INVS: variants seen among roughly 807,000 people sequenced by gnomAD.
INVS encodes the protein inversin, also known as inversion of embryo turning homolog.
In INVS, 86 loss-of-function variants were observed where a neutral mutation model predicts 108.8. The ratio of observed to expected loss-of-function variants is 0.79; its 90% confidence interval spans 0.66 to 0.95. The LOEUF (loss-of-function observed/expected upper bound fraction) is 0.95. Among genes scored for constraint, INVS ranks in the 40% least tolerant of loss-of-function variants. INVS has a pLI of 0.00. For synonymous variants in INVS, 455 were observed against 473.5 expected (o/e 0.96, Z 0.51); for missense variants, 1,169 against 1,297.4 (o/e 0.90, Z 1.52).
At chr9:100,209,673 G>C (rs1193027260) in intron 3 of INVS, among the ~76,000 whole-genome samples, 1 of 150,708 alleles carries the variant, frequency 6.6e-6, no homozygotes, top group Non-Finnish European at 1.5e-5. Context: ...AGGAGGCTGA[G>C]GCAGAAGAAT....
intron 2 of INVS, among the ~76,000 whole-genome samples, chr9:100,116,005 A>G (rs1233707521): frequency 2.6e-5 from 4 of 151,836 alleles, no homozygotes; most frequent in African/African-American, 9.7e-5. Context: ...GTGTGAGATG[A>G]TATCTCATTG....
chr9:100,185,851 C>T (rs189918974), intron 3 of INVS, among the ~76,000 whole-genome samples: 71 of 152,112 alleles, frequency 4.7e-4, no homozygotes, highest in African/African-American at 1.7e-3. Flanking sequence ...ATGGCCTCCT[C>T]CATCCAAGTT....
chr9:100,199,861 A>ATC (rs1830487554), intron 3 of INVS, among the ~76,000 whole-genome samples: 1 of 152,192 alleles, frequency 6.6e-6, no homozygotes, highest in Non-Finnish European at 1.5e-5. Context: ...TATTTTTACC[A>ATC]AATTTAAATC....
intron 3 of INVS, among the ~76,000 whole-genome samples, chr9:100,192,978 C>CTTTTTTTTTT: frequency 7.3e-6 from 1 of 136,974 alleles, no homozygotes; most frequent in Non-Finnish European, 1.6e-5. Context: ...ATACCAATGT[C>CTTTTTTTTTT]TTTTTTTTTT....
At chr9:100,196,014 ATCT>A (rs1327139811) in intron 3 of INVS, among the ~76,000 whole-genome samples, 11 of 152,128 alleles carry the variant, frequency 7.2e-5, no homozygotes, top group Non-Finnish European at 1.3e-4. Context: ...AAACTGTCTT[ATCT>A]TCTTCTATTA....
At position 100,252,233 on chromosome 9, in the gene INVS, G is replaced by A. The variant is rs779684451; in HGVS notation, c.1079-50G>A. 4 of 1,564,114 alleles carry A rather than the reference G, an allele frequency of 2.6e-6. No homozygotes were observed. In the South Asian group the frequency reaches 4.4e-5, roughly 17 times the overall value. On this transcript the variant is annotated intron_variant, in intron 8 of 16. Coordinates refer to ENST00000262457, the MANE Select transcript of INVS (RefSeq NM_014425.5). ...GGAAAAGACATATAATAATTTAAAA[G>A]GTGAAGTTGTTATTGACTAGTTCAT... is the stretch of plus-strand genomic sequence containing the variant.
At chr9:100,264,613 C>T (rs1269389516) in intron 10 of INVS, among the ~76,000 whole-genome samples, 3 of 117,466 alleles carry the variant, frequency 2.6e-5, no homozygotes, top group Non-Finnish European at 1.9e-5. Flanking sequence ...AGCGAAACTC[C>T]GTCTCAAAAA....
intron 3 of INVS, among the ~76,000 whole-genome samples, chr9:100,140,278 A>G (rs991214180): frequency 6.6e-6 from 1 of 152,132 alleles, no homozygotes; most frequent in African/African-American, 2.4e-5. Context: ...GTCTGAAAAG[A>G]GTCAGTGAAG....
intron 13 of INVS, among the ~76,000 whole-genome samples, chr9:100,289,171 T>TA (rs370968002): frequency 3.7e-4 from 56 of 152,248 alleles, no homozygotes; most frequent in African/African-American, 1.2e-3. Context: ...TCCTGAACTG[T>TA]ATCTACAGCT....
At chr9:100,204,567 C>T (rs1267974582) in intron 3 of INVS, among the ~76,000 whole-genome samples, 1 of 152,118 alleles carries the variant, frequency 6.6e-6, no homozygotes, top group Non-Finnish European at 1.5e-5. Flanking sequence ...GCTTTTTCTA[C>T]TCCCATGATT....
At chr9:100,291,419 ACTT>A (rs1043812166) in intron 13 of INVS, among the ~76,000 whole-genome samples, 1 of 151,938 alleles carries the variant, frequency 6.6e-6, no homozygotes, top group Admixed American at 6.6e-5. Flanking sequence ...CGTATTTTAA[ACTT>A]CTTTTGTGTG....
chr9:100,249,156 C>G (rs543187954), intron 8 of INVS, among the ~76,000 whole-genome samples: 1 of 152,050 alleles, frequency 6.6e-6, no homozygotes, highest in African/African-American at 2.4e-5. Context: ...AAACACCTAA[C>G]ATATAAAGCA....
intron 13 of INVS, among the ~76,000 whole-genome samples, chr9:100,288,347 G>T (rs1833508853): frequency 6.6e-6 from 1 of 152,036 alleles, no homozygotes; most frequent in Admixed American, 6.6e-5. Context: ...GCTTCTTTTT[G>T]ATTTGAACTA....
intron 2 of INVS, chr9:100,116,913 AGGTGGCCTTGGCGAAGTTGCCCAG>A (rs1188741211): frequency 7.5e-7 from 1 of 1,329,824 alleles, no homozygotes; most frequent in Non-Finnish European, 1.1e-6. Context: ...ATGGCATCAA[AGGTGGCCTTGGCGAAGTTGCCCAG>A]GGTGGCATTG....
rs1481868199 is a variant in INVS, at chr9:100,301,026, A to T, written c.*352A>T. The T allele has an allele frequency of 6.3e-6, 2 of 317,650 alleles. No individual in the cohort carries two copies. The highest frequency in any genetic ancestry group is 1.6e-4 in the East Asian group (2 of 12,758). 19.7% of individuals were successfully genotyped at this position (317,650 alleles called of 1,614,324 possible). On this transcript the variant is annotated 3_prime_UTR_variant, in exon 17 of 17. Coordinates refer to ENST00000262457, the MANE Select transcript of INVS (RefSeq NM_014425.5). ...CGGCTGCTGGGTTGGGATTTCTGCC[A>T]GCTAGCTGGTACTGGCTTCTTGTTT...
Position 100,260,993 on chromosome 9 carries a change from A to G in INVS, c.1465-3829A>G, listed in dbSNP as rs528193746. Among the ~76,000 whole-genome samples, 3 of 152,312 alleles carry G rather than the reference A, an allele frequency of 2.0e-5. No individual in the cohort carries two copies. The South Asian group carries it at 6.2e-4, about 32-fold the overall frequency. On this transcript the variant is annotated intron_variant, in intron 10 of 16. Coordinates refer to ENST00000262457, the MANE Select transcript of INVS (RefSeq NM_014425.5). ...ATACTGCCAAACTGATTTCTAAAAGATTCAGGTTAATCTTTACTTTCCCCA... is the reference window on the plus strand; with the variant it reads ...ATACTGCCAAACTGATTTCTAAAAGGTTCAGGTTAATCTTTACTTTCCCCA...
At chr9:100,293,554 T>C (rs543677754) in intron 14 of INVS, among the ~76,000 whole-genome samples, 2 of 152,322 alleles carry the variant, frequency 1.3e-5, no homozygotes, top group African/African-American at 4.8e-5. Context: ...TCCAAACACC[T>C]AAACCAGGGT....
rs1588012025 is a variant in INVS at position 100,117,464 on chromosome 9, T to A, written c.107-8919T>A. 2.0e-5 allele frequency: 16 copies of A among 783,796 alleles called. No homozygotes were observed. The East Asian group carries it at 3.9e-4, about 19-fold the overall frequency. The allele number at this position is 783,796 out of a possible 1,614,324, so 48.6% of individuals were successfully genotyped here. On this transcript the variant is annotated intron_variant, in intron 2 of 16. Transcript: ENST00000262457. The stretch of plus-strand genomic sequence containing the variant: ...CTTGGTGACGGGCATGCACTCCTTA[T>A]CCTCGGCCTTGCCTTCTCGAGCTCC...
At position 100,300,639 on chromosome 9, in the gene INVS, T is replaced by G. The variant is rs762061854; in HGVS notation, c.3163T>G (p.Ser1055Ala). The change falls in exon 17 of 17, where the codon TCA (serine) becomes GCA (alanine). Residue 1055 changes from serine to alanine, a missense_variant. Coordinates refer to ENST00000262457, the MANE Select transcript of INVS (RefSeq NM_014425.5). ...RSKNFSYNLQ[S>A]ATQPKNKTKP ...AAAGAACTTTTCTTATAACCTGCAA[T>G]CAGCTACTCAGCCAAAAAACAAAAC... 3.7e-6 allele frequency: 6 copies of G among 1,613,856 alleles called. 1 individual carries two copies. In the South Asian group the frequency reaches 6.6e-5, roughly 18 times the overall value.
Sources: gnomAD v4.1 joint callset for allele counts (sites outside exome capture counted in the v4.1 genomes callset) on GRCh38, gnomAD v4.1.1 for gene constraint, MANE v1.5 for transcripts, NCBI Gene and HGNC (gene_info 2026-07-23, HGNC 2026-07-21) for gene names.